Variants in AMMECR1 observed in about 807,000 individuals in gnomAD.
AMMECR1 encodes nuclear protein AMMECR1.
AMMECR1 carries 3 observed loss-of-function variants against 22.5 expected under a neutral mutation model. The observed-to-expected ratio is 0.13, with a 90% CI of 0.06 to 0.35. AMMECR1 has a LOEUF of 0.35. Among genes scored for constraint, AMMECR1 ranks in the 10% least tolerant of loss-of-function variants. The probability of loss-of-function intolerance (pLI) is 1.00; values close to 1 mark genes in which losing one functional copy is unlikely to be tolerated. For synonymous variants in AMMECR1, 130 were observed against 116.7 expected, an observed-to-expected ratio of 1.11 and a Z score of -0.74; for missense variants, 235 against 278.7, an observed-to-expected ratio of 0.84 and a Z score of 1.12.
Position 110,400,901 on chromosome X carries a change from G to A in AMMECR1, c.-148+25757C>T, listed in dbSNP as rs191027588. Among the ~76,000 whole-genome samples, 3 of 111,760 alleles carry A rather than the reference G, an allele frequency of 2.7e-5. No individual in the cohort carries two copies. In the East Asian group the frequency reaches 8.4e-4, roughly 31 times the overall value. ...AATCAATGAATGCTCCCAGTTCTTC[G>A]TCATCTTTAGAGGCTACTTCCAGGG... On this transcript the variant is annotated intron_variant, in intron 2 of 7. Coordinates refer to the AMMECR1 transcript ENST00000372057.
chrX:110,406,151 A>C (rs763164882), intron 2 of AMMECR1, among the ~76,000 whole-genome samples: 8 of 109,496 alleles, frequency 7.3e-5, no homozygotes, highest in African/African-American at 2.3e-4. Context: ...TTACATGTGC[A>C]GAACTTGCAG....
chrX:110,303,475 T>C (rs2067978801), intron 1 of AMMECR1, among the ~76,000 whole-genome samples: 1 of 111,876 alleles, frequency 8.9e-6, no homozygotes. Context: ...TCCACCTTTG[T>C]TAAGAAAGAT....
At chrX:110,303,387 CTG>C (rs1263664436) in intron 1 of AMMECR1, among the ~76,000 whole-genome samples, 1 of 111,879 alleles carries the variant, frequency 8.9e-6, no homozygotes, top group Non-Finnish European at 1.9e-5. Flanking sequence ...TGTTTGAAGT[CTG>C]TGAAAAATGA....
chrX:110,427,873 C>T (rs2068765774), intron 1 of AMMECR1, among the ~76,000 whole-genome samples: 1 of 111,821 alleles, frequency 8.9e-6, no homozygotes, highest in South Asian at 3.8e-4. Flanking sequence ...ACATCATTCC[C>T]ACTGCTGTGC....
At chrX:110,292,301 A>C in intron 1 of AMMECR1, among the ~76,000 whole-genome samples, 1 of 111,995 alleles carries the variant, frequency 8.9e-6, no homozygotes. Context: ...ACAGTTTGAG[A>C]GTTTCTTACA....
chrX:110,290,530 T>C (rs1232396444), intron 1 of AMMECR1, among the ~76,000 whole-genome samples: 1 of 112,014 alleles, frequency 8.9e-6, no homozygotes, highest in Non-Finnish European at 1.9e-5. Flanking sequence ...ATTTCCATTC[T>C]TGTGTGTTTG....
chrX:110,317,925 G>A lies in AMMECR1; in HGVS notation c.147C>T (p.Ala49=). 3.3e-6 allele frequency: 4 copies of A among 1,196,772 alleles called. No homozygotes were observed. Among genetic ancestry groups the A allele is most frequent in the Non-Finnish European group, 4.5e-6 (4 of 888,213 alleles). The change falls in exon 1 of 6, where the codon GCC becomes GCT. Residue 49 remains alanine, a synonymous_variant. Transcript: ENST00000262844. ...CTCCCAGCCCGTTGAGCCGCGTACC[G>A]GCGCCTCCTAGTCCCAGCTCCCCAG... The part of the protein sequence containing the change: ...CRAGELGLGG[A]GTRLNGLGGL...
intron 3 of AMMECR1, among the ~76,000 whole-genome samples, chrX:110,203,020 G>A (rs181078593): frequency 2.7e-5 from 3 of 111,894 alleles, no homozygotes; most frequent in Admixed American, 1.9e-4. Context: ...TAAATTATAC[G>A]TAGGCAAGCA....
At chrX:110,299,762 T>G (rs1465442386) in intron 1 of AMMECR1, among the ~76,000 whole-genome samples, 1 of 112,133 alleles carries the variant, frequency 8.9e-6, no homozygotes, top group Non-Finnish European at 1.9e-5. Context: ...GTTTAACTTT[T>G]TTAGACTTCA....
In AMMECR1 at chrX:110,399,568, G is replaced by A. The variant is rs980490670; in HGVS notation, c.-148+27090C>T. On this transcript the variant is annotated intron_variant, in intron 2 of 7. Transcript: ENST00000372057. ...ACTTAGATGGAACTGATTTTTTCGG[G>A]CTGTCTCATATTAGATGTGATACAA... Among the ~76,000 whole-genome samples, 3 of 112,422 alleles carry A rather than the reference G, an allele frequency of 2.7e-5. No individual in the cohort carries two copies. In the East Asian group the frequency reaches 8.3e-4, roughly 31 times the overall value.
intron 3 of AMMECR1, among the ~76,000 whole-genome samples, chrX:110,205,154 TGTTAC>T (rs775250555): frequency 2.7e-5 from 3 of 111,749 alleles, no homozygotes; most frequent in East Asian, 5.6e-4. Flanking sequence ...GCTTTCTTTC[TGTTAC>T]CTCTTGAGCA....
chrX:110,278,844 T>C (rs1280228850), intron 1 of AMMECR1, among the ~76,000 whole-genome samples: 2 of 112,140 alleles, frequency 1.8e-5, no homozygotes, highest in African/African-American at 6.5e-5. Context: ...CCTGAGCTAT[T>C]GAACATGTTT....
intron 2 of AMMECR1, among the ~76,000 whole-genome samples, chrX:110,350,713 T>C (rs2068207884): frequency 9.0e-6 from 1 of 111,265 alleles, no homozygotes; most frequent in Non-Finnish European, 1.9e-5. Flanking sequence ...ATGCCTGTAA[T>C]CTCAGCACTT....
chrX:110,379,112 G>T (rs2068400196), intron 2 of AMMECR1, among the ~76,000 whole-genome samples: 1 of 111,759 alleles, frequency 8.9e-6, no homozygotes, highest in African/African-American at 3.3e-5. Context: ...GCTCTTTCAT[G>T]ATACTCGTTA....
chrX:110,321,190 C>A (rs942614001), upstream of AMMECR1, among the ~76,000 whole-genome samples: 3 of 111,716 alleles, frequency 2.7e-5, no homozygotes, highest in Non-Finnish European at 5.7e-5. Context: ...TGACCTTGCT[C>A]AGGATTCTCT....
chrX:110,351,060 A>G (rs2068209469), intron 2 of AMMECR1, among the ~76,000 whole-genome samples: 1 of 112,602 alleles, frequency 8.9e-6, no homozygotes, highest in Admixed American at 9.4e-5. Flanking sequence ...GTAAGAATGT[A>G]CACTGAAAAC....
intron 2 of AMMECR1, among the ~76,000 whole-genome samples, chrX:110,370,543 C>G (rs988836224): frequency 8.9e-6 from 1 of 112,479 alleles, no homozygotes; most frequent in African/African-American, 3.2e-5. Flanking sequence ...TTTGGTTAGC[C>G]TGAGGAAACT....
intron 2 of AMMECR1, among the ~76,000 whole-genome samples, chrX:110,409,195 T>G (rs1823072765): frequency 1.8e-5 from 2 of 111,182 alleles, no homozygotes; most frequent in Non-Finnish European, 3.8e-5. Flanking sequence ...GGGACTTTTT[T>G]TTTTGAGACG....
At chrX:110,392,167 GTATCAAGTAATTATTCAAC>G (rs2068498329) in intron 2 of AMMECR1, among the ~76,000 whole-genome samples, 1 of 110,859 alleles carries the variant, frequency 9.0e-6, no homozygotes, top group Non-Finnish European at 1.9e-5. Context: ...ATCACATTAA[GTATCAAGTAATTATTCAAC>G]TATCAGCTTC....
Sources: allele counts gnomAD v4.1 joint callset (sites outside exome capture counted in the v4.1 genomes callset), GRCh38; gene constraint gnomAD v4.1.1; transcripts MANE v1.5; gene names NCBI Gene and HGNC (gene_info 2026-07-23, HGNC 2026-07-21).